Variants in FBXO22 observed in about 807,000 individuals in gnomAD.
The protein encoded by FBXO22 is F-box only protein 22.
Under a neutral mutation model 37.2 loss-of-function variants are expected in FBXO22, and 13 were observed. The ratio of observed to expected loss-of-function variants is 0.35; its 90% confidence interval spans 0.23 to 0.56. The LOEUF is 0.56. Among genes scored for constraint, FBXO22 ranks in the 20% least tolerant of loss-of-function variants. FBXO22 has a pLI of 0.87. For missense variants in FBXO22, 446 were observed against 509.9 expected (o/e 0.87, Z 1.21); for synonymous variants, 189 against 189.1 (o/e 1.00, Z 0.00).
Position 75,938,124 on chromosome 15 carries a change from G to A in FBXO22, c.*5022G>A, listed in dbSNP as rs2030562128. On this transcript the variant is annotated 3_prime_UTR_variant, in exon 7 of 7. Transcript: ENST00000308275. The stretch of plus-strand genomic sequence containing the variant: ...GGATTACCTGGGACAAAGCTGATTT[G>A]TAAAATCTAGGATTGCTCCTAGCAT... The A allele has an allele frequency of 6.6e-6, 1 of 152,162 alleles. No homozygotes were observed. Among genetic ancestry groups the A allele is most frequent in the South Asian group, 2.1e-4 (1 of 4,828 alleles). 9.4% of individuals were successfully genotyped at this position (152,162 alleles called of 1,614,324 possible).
intron 5 of FBXO22, among the ~76,000 whole-genome samples, chr15:75,927,267 A>G (rs950241536): frequency 6.6e-5 from 10 of 152,166 alleles, no homozygotes; most frequent in Non-Finnish European, 1.5e-5. Context: ...AGGTCCTGAG[A>G]TTTTTTTAAA....
At chr15:75,920,214 A>G (rs1900287395) in intron 5 of FBXO22, among the ~76,000 whole-genome samples, 1 of 152,228 alleles carries the variant, frequency 6.6e-6, no homozygotes, top group South Asian at 2.1e-4. Context: ...TGGAGCGAAC[A>G]AAGTTCAGCA....
At chr15:75,931,961 C>T (rs1381120091) in intron 6 of FBXO22, among the ~76,000 whole-genome samples, 1 of 152,186 alleles carries the variant, frequency 6.6e-6, no homozygotes, top group Admixed American at 6.5e-5. Flanking sequence ...TGCCTGTAAT[C>T]CCAGAACTTT....
intron 1 of FBXO22, 55 bp downstream of exon 1, chr15:75,904,158 T>C: frequency 6.7e-7 from 1 of 1,487,430 alleles, no homozygotes; most frequent in South Asian, 1.3e-5. Flanking sequence ...CGTGGGCATG[T>C]CCCAGGCTGG....
chr15:75,904,295 G>A, intron 1 of FBXO22, 192 bp downstream of exon 1: 2 of 1,092,682 alleles, frequency 1.8e-6, no homozygotes, highest in South Asian at 3.3e-5. Context: ...TCCCTGAGGG[G>A]CGAAGTTCCC....
At chr15:75,917,509 C>T (rs1052808230) in intron 5 of FBXO22, 115 bp downstream of exon 5, 11 of 701,692 alleles carry the variant, frequency 1.6e-5, no homozygotes, top group Non-Finnish European at 2.3e-5. Flanking sequence ...GAATTAAGTA[C>T]ACCTGTCACT....
rs562538298 is a variant in FBXO22 at position 75,937,096 on chromosome 15, C to T, written c.*3994C>T. 2 of 151,952 alleles carry T rather than the reference C, an allele frequency of 1.3e-5. No homozygotes were observed. The highest frequency in any genetic ancestry group is 4.8e-5 in the African/African-American group (2 of 41,332). 9.4% of individuals were successfully genotyped at this position (151,952 alleles called of 1,614,324 possible). A position where few individuals can be genotyped will look rare whatever the true frequency, so the allele number is the denominator to read the frequency against. On this transcript the variant is annotated 3_prime_UTR_variant, in exon 7 of 7. Coordinates refer to ENST00000308275, the MANE Select transcript of FBXO22 (RefSeq NM_147188.3). ...AATCACTATACTTAATAAACATACT[C>T]TATTCAAGGTCTTGTAATAAAATTA...
At chr15:75,904,360 C>G in intron 1 of FBXO22, 131 bp from the exon 2 acceptor site, 1 of 1,372,450 alleles carries the variant, frequency 7.3e-7, no homozygotes, top group Non-Finnish European at 1.0e-6. Flanking sequence ...CTGACTGACA[C>G]CTACCTACCC....
At chr15:75,915,113 G>A (rs767046903) in intron 4 of FBXO22, among the ~76,000 whole-genome samples, 16 of 151,944 alleles carry the variant, frequency 1.1e-4, no homozygotes, top group Non-Finnish European at 1.3e-4. Context: ...GATCACAGGC[G>A]CCCGCCACCA....
At chr15:75,905,409 A>G (rs1034002540) in intron 2 of FBXO22, among the ~76,000 whole-genome samples, 37 of 152,214 alleles carry the variant, frequency 2.4e-4, no homozygotes, top group Admixed American at 2.4e-3. Context: ...GAGGGGCTGC[A>G]GGGTGTACCA....
chr15:75,936,639 A>G lies in FBXO22; in HGVS notation c.*3537A>G, dbSNP rs1366046058. ...GCCCAGGCTGGAGTATAATGGCACAATCTCGACTCATTGCAACCTCCACCT... is the reference window on the plus strand; with the variant it reads ...GCCCAGGCTGGAGTATAATGGCACAGTCTCGACTCATTGCAACCTCCACCT... On this transcript the variant is annotated 3_prime_UTR_variant, in exon 7 of 7. Coordinates refer to ENST00000308275, the MANE Select transcript of FBXO22 (RefSeq NM_147188.3). 1 of 152,096 alleles carries G rather than the reference A, an allele frequency of 6.6e-6. No homozygotes were observed. Among genetic ancestry groups the G allele is most frequent in the African/African-American group, 2.4e-5 (1 of 41,384 alleles). The allele number at this position is 152,096 out of a possible 1,614,324, so 9.4% of individuals were successfully genotyped here.
At chr15:75,912,601 G>A (rs1472212757) in intron 2 of FBXO22, among the ~76,000 whole-genome samples, 1 of 152,096 alleles carries the variant, frequency 6.6e-6, no homozygotes, top group Non-Finnish European at 1.5e-5. Context: ...TATTTCTGTG[G>A]GATCAGTGGT....
At chr15:75,927,499 G>A (rs1351987348) in intron 5 of FBXO22, among the ~76,000 whole-genome samples, 1 of 152,112 alleles carries the variant, frequency 6.6e-6, no homozygotes, top group African/African-American at 2.4e-5. Context: ...TTGTCCTGGG[G>A]TAGTAGTCAC....
At position 75,913,182 on chromosome 15, in the gene FBXO22, A is replaced by C. The variant is rs1555425963; in HGVS notation, c.280-21A>C. ...GATGGATTCATGGGATCCAATTCCA[A>C]TTTTTTTTTTTTCTTTGCAGAATGT... On this transcript the variant is annotated intron_variant, in intron 2 of 6. Coordinates refer to ENST00000308275, the MANE Select transcript of FBXO22 (RefSeq NM_147188.3). The C allele has an allele frequency of 3.4e-6, 4 of 1,178,226 alleles. No individual in the cohort carries two copies. The East Asian group carries it at 1.2e-4, about 35-fold the overall frequency. The allele number at this position is 1,178,226 out of a possible 1,614,324, so 73.0% of individuals were successfully genotyped here.
At position 75,935,449 on chromosome 15, in the gene FBXO22, C is replaced by T. The variant is rs2030249527; in HGVS notation, c.*2347C>T. Reference sequence around the variant, plus strand: ...CATTTAAAAATACTTATTTCATCTACATACTTTCAAAGCAAAATAATTTCT... The same window carrying T: ...CATTTAAAAATACTTATTTCATCTATATACTTTCAAAGCAAAATAATTTCT... On this transcript the variant is annotated 3_prime_UTR_variant, in exon 7 of 7. Coordinates refer to ENST00000308275, the MANE Select transcript of FBXO22 (RefSeq NM_147188.3). The T allele has an allele frequency of 6.6e-6, 1 of 152,112 alleles. No individual in the cohort carries two copies. The highest frequency in any genetic ancestry group is 1.5e-5 in the Non-Finnish European group (1 of 68,024). 9.4% of individuals were successfully genotyped at this position (152,112 alleles called of 1,614,324 possible).
rs1900101508 is a variant in FBXO22 at position 75,913,126 on chromosome 15, G to T, written c.280-77G>T. 4.4e-6 allele frequency: 4 copies of T among 909,412 alleles called. No homozygotes were observed. In the South Asian group the frequency reaches 5.6e-5, roughly 13 times the overall value. The allele number at this position is 909,412 out of a possible 1,614,324, so 56.3% of individuals were successfully genotyped here. ...CTAATTTGATTGCACTATGGACTGG[G>T]TGATACTTCAAGGGACTATGCAGAA... On this transcript the variant is annotated intron_variant, in intron 2 of 6. Transcript: ENST00000308275.
chr15:75,904,540 C>A lies in FBXO22; in HGVS notation c.190C>A (p.Arg64=). The stretch of plus-strand genomic sequence containing the variant: ...TGTGCGCAGAGTATTGCGGACCCAT[C>A]GGAGCGTAACCTGGATCTCCGCAGG... ...ECVRRVLRTH[R]SVTWISAGLA... is the part of the protein sequence containing the mutation. Residue 64 remains arginine (R), a synonymous_variant, in exon 2 of 7, where the codon CGG becomes AGG. Transcript: ENST00000308275. 3 of 1,613,868 alleles carry A rather than the reference C, an allele frequency of 1.9e-6. No individual in the cohort carries two copies. The highest frequency in any genetic ancestry group is 2.5e-6 in the Non-Finnish European group (3 of 1,179,868).
At position 75,941,113 on chromosome 15, in the gene FBXO22, A is replaced by C. The variant is rs746646656; in HGVS notation, c.*8011A>C. On this transcript the variant is annotated 3_prime_UTR_variant, in exon 7 of 7. Transcript: ENST00000308275. ...ACAACAGTGTAAAAACCTGATTTAA[A>C]AAATGGCAAAGGATTTGGATAGATC... is the stretch of plus-strand genomic sequence containing the variant. The C allele has an allele frequency of 6.6e-6, 1 of 152,210 alleles. No individual in the cohort carries two copies. The highest frequency in any genetic ancestry group is 1.5e-5 in the Non-Finnish European group (1 of 68,004). 9.4% of individuals were successfully genotyped at this position (152,210 alleles called of 1,614,324 possible).
rs1372068422 is a variant in FBXO22 at position 75,917,290 on chromosome 15, T to G, written c.524T>G (p.Phe175Cys). ...PQEIEIGESG[F>C]ALLFPQIEGI... ...GAAATAGAAATTGGAGAATCTGGTT[T>G]TGCTTTATTATTCCCTCAAATTGAA... is the stretch of plus-strand genomic sequence containing the variant. The change falls in exon 5 of 7, where the codon TTT becomes TGT. Residue 175 changes from phenylalanine to cysteine, a missense_variant. Coordinates refer to ENST00000308275, the MANE Select transcript of FBXO22 (RefSeq NM_147188.3). The G allele has an allele frequency of 1.2e-6, 2 of 1,612,802 alleles. No homozygotes were observed. Among genetic ancestry groups the G allele is most frequent in the Non-Finnish European group, 1.7e-6 (2 of 1,179,288 alleles).
Sources: gnomAD v4.1 joint callset for allele counts (sites outside exome capture counted in the v4.1 genomes callset) on GRCh38, gnomAD v4.1.1 for gene constraint, MANE v1.5 for transcripts, NCBI Gene and HGNC (gene_info 2026-07-23, HGNC 2026-07-21) for gene names.